The following ZNF385D variants were observed in gnomAD, a reference collection of about 807,000 sequenced individuals.
ZNF385D encodes zinc finger protein 659.
Under a neutral mutation model 35.8 loss-of-function variants are expected in ZNF385D, and 15 were observed. That is an observed-to-expected ratio of 0.42 (90% CI 0.28 to 0.64). The LOEUF (loss-of-function observed/expected upper bound fraction) is 0.64. Among genes scored for constraint, ZNF385D ranks in the 30% least tolerant of loss-of-function variants. The pLI, the probability that ZNF385D is intolerant of heterozygous loss-of-function variation, is 0.23. For synonymous variants in ZNF385D, 212 were observed against 186.8 expected, an observed-to-expected ratio of 1.13 and a Z score of -1.10; for missense variants, 474 against 494.6, an observed-to-expected ratio of 0.96 and a Z score of 0.39.
chr3:21,473,631 T>C (rs544295901), intron 4 of ZNF385D, among the ~76,000 whole-genome samples: 10 of 152,238 alleles, frequency 6.6e-5, no homozygotes, highest in Non-Finnish European at 2.9e-5. Context: ...AAAACAAAGA[T>C]GGATTCTAAA....
intron 3 of ZNF385D, among the ~76,000 whole-genome samples, chr3:22,105,726 A>G (rs974789288): frequency 2.6e-5 from 4 of 152,104 alleles, no homozygotes; most frequent in East Asian, 1.9e-4. Context: ...AAGGTCCTCA[A>G]TGATTGGGTG....
At chr3:21,911,067 A>G (rs573147673) in intron 3 of ZNF385D, among the ~76,000 whole-genome samples, 2 of 152,010 alleles carry the variant, frequency 1.3e-5, no homozygotes, top group African/African-American at 4.8e-5. Flanking sequence ...GGGAAAGAGA[A>G]TATCTATGTG....
At chr3:21,785,398 G>A (rs1472473438) in intron 3 of ZNF385D, among the ~76,000 whole-genome samples, 3 of 152,012 alleles carry the variant, frequency 2.0e-5, no homozygotes, top group African/African-American at 7.3e-5. Context: ...ATATATGTGT[G>A]TGTGAGAACA....
intron 2 of ZNF385D, among the ~76,000 whole-genome samples, chr3:22,219,426 T>C (rs994819306): frequency 9.2e-5 from 14 of 152,168 alleles, no homozygotes; most frequent in Non-Finnish European, 1.9e-4. Flanking sequence ...TCACTGATCA[T>C]TGTGCCCTGT....
At chr3:21,936,767 ACT>A (rs1309634710) in intron 3 of ZNF385D, among the ~76,000 whole-genome samples, 2 of 152,108 alleles carry the variant, frequency 1.3e-5, no homozygotes, top group Non-Finnish European at 2.9e-5. Flanking sequence ...AATCTTACAG[ACT>A]CAAAAACTGA....
At chr3:21,498,478 T>A (rs1706092173) in intron 4 of ZNF385D, among the ~76,000 whole-genome samples, 1 of 152,170 alleles carries the variant, frequency 6.6e-6, no homozygotes, top group African/African-American at 2.4e-5. Context: ...GAAGTTCTGC[T>A]ATCTAGAATC....
At chr3:21,758,994 A>AAAAC (rs2070477110) in intron 3 of ZNF385D, among the ~76,000 whole-genome samples, 1 of 148,350 alleles carries the variant, frequency 6.7e-6, no homozygotes, top group East Asian at 2.0e-4. Flanking sequence ...AAAAAAAAAA[A>AAAAC]AAAAAAAAAA....
At chr3:22,282,659 C>T (rs774063012) in intron 2 of ZNF385D, among the ~76,000 whole-genome samples, 8 of 151,826 alleles carry the variant, frequency 5.3e-5, no homozygotes, top group Non-Finnish European at 1.0e-4. Flanking sequence ...ATCATGTGAT[C>T]TGTCTTGGAG....
rs2065230681 is a variant in ZNF385D at position 21,629,771 on chromosome 3, A to G, written c.165+35115T>C. Among the ~76,000 whole-genome samples the G allele has an allele frequency of 2.0e-5, 3 of 152,232 alleles. No homozygotes were observed. In the South Asian group the frequency reaches 6.2e-4, roughly 32 times the overall value. ...AAGATGCAATACACATCACAAACTC[A>G]TCTGGGTTTTTAATATCTAGTCATG... On this transcript the variant is annotated intron_variant, in intron 2 of 7. Coordinates refer to ENST00000281523, the MANE Select transcript of ZNF385D (RefSeq NM_024697.3).
In ZNF385D at chr3:22,243,165, C is replaced by T. The variant is rs563336613; in HGVS notation, c.107-74130G>A. Among the ~76,000 whole-genome samples, 445 of 150,558 alleles carry T rather than the reference C, an allele frequency of 3.0e-3. 6 individuals are homozygous for T. Among genetic ancestry groups the T allele is most frequent in the Middle Eastern group, 0.014 (4 of 292 alleles). ...TAGTATCTAGAATATAAAAATAACA[C>T]TTGCAACCCAATAATAAAAAAACAA... On this transcript the variant is annotated intron_variant, in intron 2 of 5. Transcript: ENST00000494108.
chr3:21,904,810 A>T (rs944085309), intron 3 of ZNF385D, among the ~76,000 whole-genome samples: 6 of 152,172 alleles, frequency 3.9e-5, no homozygotes, highest in African/African-American at 1.4e-4. Flanking sequence ...GGATTGCAGA[A>T]AGAACAGTAC....
intron 3 of ZNF385D, among the ~76,000 whole-genome samples, chr3:21,871,799 A>T (rs9878206): frequency 1.3e-5 from 2 of 151,872 alleles, no homozygotes; most frequent in East Asian, 1.9e-4. Flanking sequence ...TGAGGTCAGG[A>T]GTTTGAGACC....
At chr3:21,555,473 C>A (rs538919674) in intron 3 of ZNF385D, among the ~76,000 whole-genome samples, 6 of 152,080 alleles carry the variant, frequency 3.9e-5, no homozygotes, top group Non-Finnish European at 5.9e-5. Context: ...GTGTGGTTTT[C>A]TGTTCTTCTG....
At chr3:21,787,343 G>A (rs2071731948) in intron 3 of ZNF385D, among the ~76,000 whole-genome samples, 1 of 152,062 alleles carries the variant, frequency 6.6e-6, no homozygotes, top group African/African-American at 2.4e-5. Context: ...TCACTAAGTG[G>A]GAACATGGGC....
At position 22,254,478 on chromosome 3, in the gene ZNF385D, C is replaced by T. The variant is rs185608249; in HGVS notation, c.107-85443G>A. On this transcript the variant is annotated intron_variant, in intron 2 of 5. Coordinates refer to the ZNF385D transcript ENST00000494108. ...GCAAGTATCTTCCATGTGTTTATAT[C>T]AGTGTTATTTTTCTATTTCTTTACA... 1.1e-3 allele frequency among the ~76,000 whole-genome samples: 173 copies of T among 151,848 alleles called. 2 individuals carry two copies. Among genetic ancestry groups the T allele is most frequent in the African/African-American group, 4.0e-3 (165 of 41,506 alleles).
intron 1 of ZNF385D, among the ~76,000 whole-genome samples, chr3:21,697,871 G>A (rs937629639): frequency 3.9e-5 from 6 of 152,054 alleles, no homozygotes; most frequent in East Asian, 1.9e-4. Flanking sequence ...TAATCATCAC[G>A]GAAATGCCAA....
At chr3:21,946,277 T>C (rs1353021348) in intron 3 of ZNF385D, among the ~76,000 whole-genome samples, 1 of 152,178 alleles carries the variant, frequency 6.6e-6, no homozygotes, top group African/African-American at 2.4e-5. Flanking sequence ...AATAGTCTAT[T>C]AGTTATTTTA....
chr3:21,999,776 A>ATAAT (rs1356656200), intron 3 of ZNF385D, among the ~76,000 whole-genome samples: 1 of 105,374 alleles, frequency 9.5e-6, no homozygotes, highest in African/African-American at 4.5e-5. Context: ...CAGGCAAAAA[A>ATAAT]AAAAAAAATA....
In ZNF385D at chr3:21,421,356, A is replaced by G. The variant is rs774913590; in HGVS notation, c.1046T>C (p.Val349Ala). 10 of 1,613,642 alleles carry G rather than the reference A, an allele frequency of 6.2e-6. No homozygotes were observed. In the Admixed American group the frequency reaches 1.7e-4, roughly 27 times the overall value. Reference protein sequence around the residue: ...PLAAAAAAAAVAVSSPFSLRT... With the variant: ...PLAAAAAAAAAAVSSPFSLRT... ...AAGACTGAAGGGGGAACTCACTGCC[A>G]CTGCTGCTGCGGCTGCTGCAGCTGC... Residue 349 changes from valine (V) to alanine (A), a missense_variant, in exon 8 of 8, where the codon GTG becomes GCG. By Grantham distance (64) the Val-to-Ala change is moderately conservative. Coordinates refer to ENST00000281523, the MANE Select transcript of ZNF385D (RefSeq NM_024697.3).
Sources: gnomAD v4.1 joint callset for allele counts (sites outside exome capture counted in the v4.1 genomes callset) on GRCh38, gnomAD v4.1.1 for gene constraint, MANE v1.5 for transcripts, NCBI Gene and HGNC (gene_info 2026-07-23, HGNC 2026-07-21) for gene names.